Variants in NTRK3 observed in about 807,000 individuals in gnomAD.
NTRK3 encodes NT-3 growth factor receptor.
In NTRK3, 24 loss-of-function variants were observed where a neutral mutation model predicts 91.7. That is an observed-to-expected ratio of 0.26 (90% CI 0.19 to 0.37). NTRK3 has a LOEUF of 0.37. Among genes scored for constraint, NTRK3 ranks in the 10% least tolerant of loss-of-function variants. NTRK3 has a pLI of 1.00. For missense variants in NTRK3, 880 were observed against 1,068.9 expected, an observed-to-expected ratio of 0.82 and a Z score of 2.46; for synonymous variants, 483 against 404.0, an observed-to-expected ratio of 1.20 and a Z score of -2.34.
chr15:88,170,663 G>T (rs187021177), intron 5 of NTRK3, among the ~76,000 whole-genome samples: 73 of 152,280 alleles, frequency 4.8e-4, no homozygotes, highest in African/African-American at 1.6e-3. Flanking sequence ...TGTTGACCAC[G>T]ACCAGGGCAG....
rs60620542 is a variant in NTRK3 at position 88,212,700 on chromosome 15, TCACACACACACACACACACACA to T, written c.249-28423_249-28402del. On this transcript the variant is annotated intron_variant, in intron 3 of 18. Transcript: ENST00000394480. ...CATGGAAGCTGTTTTGGCTGCTGCA[TCACACACACACACACACACACA>T]CACACACACACACACACACACACAC... Among the ~76,000 whole-genome samples the T allele has an allele frequency of 1.2e-3, 177 of 146,226 alleles. 2 individuals are homozygous for T. In the Middle Eastern group the frequency reaches 0.014, roughly 12 times the overall value.
At chr15:87,881,288 ACT>A (rs2065229493) in intron 17 of NTRK3, among the ~76,000 whole-genome samples, 1 of 152,248 alleles carries the variant, frequency 6.6e-6, no homozygotes, top group Non-Finnish European at 1.5e-5. Context: ...ATTTTCAGGA[ACT>A]GAAACTTTTG....
chr15:88,096,390 C>T (rs2049600778), intron 13 of NTRK3, among the ~76,000 whole-genome samples: 1 of 152,120 alleles, frequency 6.6e-6, no homozygotes, highest in South Asian at 2.1e-4. Context: ...CCAAGGATGA[C>T]CTGGTTGGGA....
intron 17 of NTRK3, among the ~76,000 whole-genome samples, chr15:87,882,429 C>CA (rs1002166895): frequency 1.3e-5 from 2 of 152,000 alleles, no homozygotes; most frequent in Non-Finnish European, 2.9e-5. Context: ...AAATAAGCCA[C>CA]AAAAATGCAA....
At chr15:87,866,041 G>C (rs762325786) in exon 19 of NTRK3, 5 of 230,750 alleles carry the variant, frequency 2.2e-5, no homozygotes, top group Non-Finnish European at 3.4e-5. Context: ...GTCTGGCCCT[G>C]TACAGTTCAC....
intron 3 of NTRK3, among the ~76,000 whole-genome samples, chr15:88,190,515 TC>T (rs1293571653): frequency 6.6e-6 from 1 of 152,188 alleles, no homozygotes. Context: ...TGATATGACT[TC>T]CTATTCCAAC....
chr15:87,978,803 C>T lies in NTRK3; in HGVS notation c.1586-38050G>A, dbSNP rs376916255. 102 of 235,432 alleles carry T rather than the reference C, an allele frequency of 4.3e-4. 2 individuals are homozygous for T. Among genetic ancestry groups the T allele is most frequent in the African/African-American group, 1.8e-3 (81 of 45,448 alleles). The allele number at this position is 235,432 out of a possible 1,614,324, so 14.6% of individuals were successfully genotyped here. Reference sequence around the variant, plus strand: ...TTGGTGCCAATACTTGAGCCTGGCTCCCCCTCCTCTTACCGCGCCGTCTCC... The same window carrying T: ...TTGGTGCCAATACTTGAGCCTGGCTTCCCCTCCTCTTACCGCGCCGTCTCC... On this transcript the variant is annotated intron_variant, in intron 14 of 18. Transcript: ENST00000394480.
intron 14 of NTRK3, among the ~76,000 whole-genome samples, chr15:87,980,049 G>T (rs2074081571): frequency 6.6e-6 from 1 of 152,188 alleles, no homozygotes; most frequent in Non-Finnish European, 1.5e-5. Flanking sequence ...CCACAGGTCT[G>T]TGGAAGGTTT....
intron 5 of NTRK3, among the ~76,000 whole-genome samples, chr15:88,167,390 C>T (rs2045070088): frequency 6.6e-6 from 1 of 151,744 alleles, no homozygotes; most frequent in South Asian, 2.1e-4. Context: ...GGAAACAGCC[C>T]AGTATAGCAA....
chr15:87,907,750 G>A (rs1004455798), intron 17 of NTRK3, among the ~76,000 whole-genome samples: 2 of 152,080 alleles, frequency 1.3e-5, no homozygotes, highest in Non-Finnish European at 2.9e-5. Flanking sequence ...GAAGAAAAAA[G>A]CCCCCAAGCA....
rs371624664 is a variant in NTRK3, at chr15:88,100,935, C to T, written c.1396+25336G>A. 3.0e-4 allele frequency among the ~76,000 whole-genome samples: 45 copies of T among 152,262 alleles called. No individual in the cohort carries two copies. The East Asian group carries it at 6.7e-3, about 23-fold the overall frequency. ...ACCCTAGAAAAAAACCTAGGCAATA[C>T]CAGTCAGGACATAGGCACGGGCAAG... On this transcript the variant is annotated intron_variant, in intron 13 of 18. Transcript: ENST00000394480.
At chr15:88,001,423 T>C (rs73458479) in intron 14 of NTRK3, among the ~76,000 whole-genome samples, 3,066 of 152,254 alleles carry the variant, frequency 0.02, 95 homozygotes, top group African/African-American at 0.069. Flanking sequence ...AATCCAAGTC[T>C]ACAGAAACTT....
chr15:88,034,826 G>A (rs1374566840), intron 13 of NTRK3, among the ~76,000 whole-genome samples: 1 of 152,152 alleles, frequency 6.6e-6, no homozygotes, highest in Non-Finnish European at 1.5e-5. Context: ...AGCTGTAAGT[G>A]GTTGCCCAAA....
At chr15:87,917,742 C>G (rs1360978515) in intron 17 of NTRK3, among the ~76,000 whole-genome samples, 1 of 152,116 alleles carries the variant, frequency 6.6e-6, no homozygotes, top group African/African-American at 2.4e-5. Context: ...ATTAAAGAGT[C>G]TGGCACCACT....
At chr15:88,013,945 A>AT (rs2077056087) in intron 14 of NTRK3, among the ~76,000 whole-genome samples, 1 of 152,136 alleles carries the variant, frequency 6.6e-6, no homozygotes, top group South Asian at 2.1e-4. Context: ...CCCTGTCTCA[A>AT]TTTTTTTAAA....
chr15:88,256,019 G>A (rs2142088281), exon 3 of NTRK3: 5 of 1,613,540 alleles, frequency 3.1e-6, no homozygotes, highest in Non-Finnish European at 3.4e-6. Context: ...CCGGCCGCCG[G>A]CAATTGATCT....
At chr15:88,168,247 A>C (rs1337276033) in intron 5 of NTRK3, among the ~76,000 whole-genome samples, 1 of 152,202 alleles carries the variant, frequency 6.6e-6, no homozygotes, top group Non-Finnish European at 1.5e-5. Context: ...AAAGTCCAAC[A>C]GGGACTAGTC....
intron 5 of NTRK3, among the ~76,000 whole-genome samples, chr15:88,171,414 C>T (rs977909971): frequency 6.6e-6 from 1 of 152,148 alleles, no homozygotes; most frequent in Non-Finnish European, 1.5e-5. Context: ...ATCCCCACCC[C>T]GGCTCTGTAA....
chr15:87,967,499 C>T (rs1178404516), intron 14 of NTRK3, among the ~76,000 whole-genome samples: 1 of 152,192 alleles, frequency 6.6e-6, no homozygotes, highest in African/African-American at 2.4e-5. Flanking sequence ...CTGCGAGCCT[C>T]ACATGTTCCT....
Sources: gnomAD v4.1 joint callset for allele counts (sites outside exome capture counted in the v4.1 genomes callset) on GRCh38, gnomAD v4.1.1 for gene constraint, MANE v1.5 for transcripts, NCBI Gene and HGNC (gene_info 2026-07-23, HGNC 2026-07-21) for gene names.